Variants in KIRREL3 observed in about 807,000 individuals in gnomAD.
The protein encoded by KIRREL3 is kin of IRRE-like protein 3.
KIRREL3 carries 36 observed loss-of-function variants against 89.7 expected under a neutral mutation model. That is an observed-to-expected ratio of 0.40 (90% confidence interval 0.31 to 0.53). The LOEUF is 0.53. Ranked by LOEUF, KIRREL3 falls within the 20% of genes least tolerant of loss-of-function variation. The pLI is 0.49. For missense variants in KIRREL3, 864 were observed against 1,056.6 expected (o/e 0.82, Z 2.53); for synonymous variants, 445 against 441.4 (o/e 1.01, Z -0.10).
intron 1 of KIRREL3, among the ~76,000 whole-genome samples, chr11:126,932,471 G>A (rs1622141): frequency 0.88 from 133,913 of 152,072 alleles, 59,189 homozygotes; most frequent in Middle Eastern, 0.96. Context: ...AGCACATTTT[G>A]AAATTCTGCT....
chr11:126,763,234 G>A lies in KIRREL3; in HGVS notation c.56-200322C>T, dbSNP rs535477636. Among the ~76,000 whole-genome samples the A allele has an allele frequency of 2.6e-5, 4 of 152,310 alleles. No individual in the cohort carries two copies. The highest frequency in any genetic ancestry group is 3.9e-4 in the East Asian group (2 of 5,188). ...GCAAAATGAGGGGGCTAGATGAGAC[G>A]ATTTCTGGAACATCTCCCAATGTCG... is the stretch of plus-strand genomic sequence containing the variant. On this transcript the variant is annotated intron_variant, in intron 1 of 16. Transcript: ENST00000525144. The surrounding 1 kb of genome is among the most constrained non-coding windows in gnomAD (Gnocchi z 4.7).
chr11:126,999,643 A>G lies in KIRREL3; in HGVS notation c.55+812T>C, dbSNP rs544877187. Among the ~76,000 whole-genome samples the G allele has an allele frequency of 9.1e-4, 138 of 152,286 alleles. No homozygotes were observed. The highest frequency in any genetic ancestry group is 3.2e-3 in the African/African-American group (132 of 41,556). On this transcript the variant is annotated intron_variant, in intron 1 of 16. Coordinates refer to ENST00000525144, the MANE Select transcript of KIRREL3 (RefSeq NM_032531.4). The surrounding 1 kb of genome is among the most constrained non-coding windows in gnomAD (Gnocchi z 5.7). ...CAGGTGACTTTTGATGCCTTTGGCC[A>G]ACTAGGCACTCACATTCCCTCTCCC...
intron 1 of KIRREL3, among the ~76,000 whole-genome samples, chr11:126,971,132 C>T (rs374995956): frequency 3.3e-5 from 5 of 152,208 alleles, no homozygotes; most frequent in East Asian, 3.9e-4. Flanking sequence ...TGACTATTTA[C>T]GAGTACAAAG....
At chr11:126,583,142 G>A (rs992012761) in intron 1 of KIRREL3, among the ~76,000 whole-genome samples, 35 of 152,174 alleles carry the variant, frequency 2.3e-4, no homozygotes, top group Non-Finnish European at 7.4e-5. Context: ...TGTGCTCCTG[G>A]AGCCTTCTCC....
At chr11:126,839,721 C>T (rs1031825092) in intron 1 of KIRREL3, among the ~76,000 whole-genome samples, 3 of 152,158 alleles carry the variant, frequency 2.0e-5, no homozygotes, top group Non-Finnish European at 4.4e-5. Context: ...AACATCCAGG[C>T]GGGTTCCTCT....
chr11:126,800,114 G>A (rs1353297330), intron 1 of KIRREL3, among the ~76,000 whole-genome samples: 2 of 152,198 alleles, frequency 1.3e-5, no homozygotes, highest in African/African-American at 2.4e-5. Context: ...GCTGGGCCCC[G>A]CTGCATCTAG....
chr11:126,456,627 A>G (rs937859975), intron 6 of KIRREL3, among the ~76,000 whole-genome samples, 173 bp from the exon 7 acceptor site: 2 of 152,212 alleles, frequency 1.3e-5, no homozygotes, highest in African/African-American at 4.8e-5. Flanking sequence ...TGCTTCAGAC[A>G]GTCCTGGAGG....
chr11:126,760,940 T>G (rs1294894879), intron 1 of KIRREL3, among the ~76,000 whole-genome samples: 1 of 152,254 alleles, frequency 6.6e-6, no homozygotes, highest in Non-Finnish European at 1.5e-5. Flanking sequence ...GTAATCTCTC[T>G]GGTCTGGAGT....
Position 126,761,023 on chromosome 11 carries a change from G to A in KIRREL3, c.56-198111C>T, listed in dbSNP as rs3927811. Among the ~76,000 whole-genome samples the A allele has an allele frequency of 0.4, 61,313 of 152,032 alleles. 12,987 individuals are homozygous for A. The highest frequency in any genetic ancestry group is 0.79 in the East Asian group (4,062 of 5,158). On this transcript the variant is annotated intron_variant, in intron 1 of 16. Transcript: ENST00000525144. This position sits in a 1 kb window ranked among gnomAD's most constrained non-coding sequence, Gnocchi z 4.4. ...GATACCGTTAAACATAAATGAAAGA[G>A]GGAAGATGAAGCCCAGTTGCTCTAT...
rs489725 is a variant in KIRREL3 at position 126,565,187 on chromosome 11, G to A, written c.56-2275C>T. Among the ~76,000 whole-genome samples the A allele has an allele frequency of 0.32, 48,400 of 151,920 alleles. 7,811 individuals carry two copies. The highest frequency in any genetic ancestry group is 0.46 in the East Asian group (2,380 of 5,144). ...TGAACGCTCAGGCAAATGGAAGGGC[G>A]AACAATTCTCTTACAGATTTAGAGA... On this transcript the variant is annotated intron_variant, in intron 1 of 16. Coordinates refer to ENST00000525144, the MANE Select transcript of KIRREL3 (RefSeq NM_032531.4). This position sits in a 1 kb window ranked among gnomAD's most constrained non-coding sequence, Gnocchi z 5.4.
Position 126,704,063 on chromosome 11 carries a change from C to T in KIRREL3, c.56-141151G>A, listed in dbSNP as rs1947420979. Among the ~76,000 whole-genome samples the T allele has an allele frequency of 1.3e-5, 2 of 152,192 alleles. No individual in the cohort carries two copies. Among genetic ancestry groups the T allele is most frequent in the Admixed American group, 1.3e-4 (2 of 15,286 alleles). On this transcript the variant is annotated intron_variant, in intron 1 of 16. Transcript: ENST00000525144. This position sits in a 1 kb window ranked among gnomAD's most constrained non-coding sequence, Gnocchi z 4.2. ...CCCTTCTCTTATTTATATACACTCA[C>T]ACAATTAGATATAACTATATTCACA...
rs560940892 is a variant in KIRREL3, at chr11:126,773,455, C to T, written c.56-210543G>A. ...GCCAACCCTGCAGATTTTGGACTTA[C>T]CAGTCTCCATCGTTGTGTGAGCCAG... On this transcript the variant is annotated intron_variant, in intron 1 of 16. Transcript: ENST00000525144. This position sits in a 1 kb window ranked among gnomAD's most constrained non-coding sequence, Gnocchi z 4.2. 1.3e-5 allele frequency among the ~76,000 whole-genome samples: 2 copies of T among 152,198 alleles called. No individual in the cohort carries two copies. The highest frequency in any genetic ancestry group is 4.8e-5 in the African/African-American group (2 of 41,456).
rs1944642512 is a variant in KIRREL3 at position 126,645,767 on chromosome 11, C to T, written c.56-82855G>A. Among the ~76,000 whole-genome samples, 1 of 152,086 alleles carries T rather than the reference C, an allele frequency of 6.6e-6. No homozygotes were observed. The highest frequency in any genetic ancestry group is 2.1e-4 in the South Asian group (1 of 4,828). On this transcript the variant is annotated intron_variant, in intron 1 of 16. Coordinates refer to ENST00000525144, the MANE Select transcript of KIRREL3 (RefSeq NM_032531.4). The surrounding 1 kb of genome is among the most constrained non-coding windows in gnomAD (Gnocchi z 4.9). ...AGATAAGGTGGTGTCTTCGCCTATGCTTTGGACCACATTTAATTAAATGCC... is the reference window on the plus strand; with the variant it reads ...AGATAAGGTGGTGTCTTCGCCTATGTTTTGGACCACATTTAATTAAATGCC...
chr11:126,635,252 G>A lies in KIRREL3; in HGVS notation c.56-72340C>T, dbSNP rs144692155. Among the ~76,000 whole-genome samples the A allele has an allele frequency of 6.8e-3, 1,039 of 152,294 alleles. 18 individuals carry two copies. The highest frequency in any genetic ancestry group is 0.024 in the African/African-American group (981 of 41,552). On this transcript the variant is annotated intron_variant, in intron 1 of 16. Coordinates refer to ENST00000525144, the MANE Select transcript of KIRREL3 (RefSeq NM_032531.4). The surrounding 1 kb of genome is among the most constrained non-coding windows in gnomAD (Gnocchi z 4.0). ...AGGCTTCCCTTCTAAATCCACTCAT[G>A]GGGGGTGCCAGGTGCTTCCCTCCAA...
rs1311627264 is a variant in KIRREL3 at position 126,694,765 on chromosome 11, T to A, written c.56-131853A>T. On this transcript the variant is annotated intron_variant, in intron 1 of 16. Transcript: ENST00000525144. This position sits in a 1 kb window ranked among gnomAD's most constrained non-coding sequence, Gnocchi z 4.4. ...AATAATGATGATGGAATTCATTATA[T>A]ATATGAGAGTGCTTACTCAGTATCA... Among the ~76,000 whole-genome samples, 1 of 152,244 alleles carries A rather than the reference T, an allele frequency of 6.6e-6. No homozygotes were observed. The highest frequency in any genetic ancestry group is 1.5e-5 in the Non-Finnish European group (1 of 68,044).
chr11:126,442,726 G>T (rs1218051452), intron 10 of KIRREL3, among the ~76,000 whole-genome samples: 1 of 152,222 alleles, frequency 6.6e-6, no homozygotes, highest in African/African-American at 2.4e-5. Context: ...CAGAAGCAGG[G>T]GCAGACAGTT....
At position 126,498,402 on chromosome 11, in the gene KIRREL3, C is replaced by T. The variant is rs552951189; in HGVS notation, c.433+22913G>A. On this transcript the variant is annotated intron_variant, in intron 4 of 16. Coordinates refer to ENST00000525144, the MANE Select transcript of KIRREL3 (RefSeq NM_032531.4). This position sits in a 1 kb window ranked among gnomAD's most constrained non-coding sequence, Gnocchi z 4.3. The stretch of plus-strand genomic sequence containing the variant: ...AGCCAGGCTCTTCCCCCCGACCCTG[C>T]GATTGTGTTCCTAATCAGCCAGTGT... 1.7e-3 allele frequency among the ~76,000 whole-genome samples: 252 copies of T among 152,254 alleles called. 1 individual carries two copies. The highest frequency in any genetic ancestry group is 5.8e-3 in the African/African-American group (243 of 41,542).
Position 126,641,500 on chromosome 11 carries a change from G to A in KIRREL3, c.56-78588C>T, listed in dbSNP as rs1163960875. ...ATACCTTTGACATTAGCAACAACAG[G>A]AAGGGAGAAAATTGCTATTACCACC... On this transcript the variant is annotated intron_variant, in intron 1 of 16. Coordinates refer to ENST00000525144, the MANE Select transcript of KIRREL3 (RefSeq NM_032531.4). This position sits in a 1 kb window ranked among gnomAD's most constrained non-coding sequence, Gnocchi z 5.0. 3.3e-5 allele frequency among the ~76,000 whole-genome samples: 5 copies of A among 152,028 alleles called. No homozygotes were observed. The highest frequency in any genetic ancestry group is 7.4e-5 in the Non-Finnish European group (5 of 68,014).
rs371267842 is a variant in KIRREL3 at position 126,515,383 on chromosome 11, G to A, written c.433+5932C>T. ...GAGGATCGCTTGAGCCAGGGAGGTC[G>A]AGGCTGCAGTGAGCCATAATAGTGC... is the stretch of plus-strand genomic sequence containing the variant. On this transcript the variant is annotated intron_variant, in intron 4 of 16. Coordinates refer to ENST00000525144, the MANE Select transcript of KIRREL3 (RefSeq NM_032531.4). This position sits in a 1 kb window ranked among gnomAD's most constrained non-coding sequence, Gnocchi z 4.2. 3.9e-5 allele frequency among the ~76,000 whole-genome samples: 6 copies of A among 152,176 alleles called. No homozygotes were observed. The highest frequency in any genetic ancestry group is 8.8e-5 in the Non-Finnish European group (6 of 68,036).
Sources: gnomAD v4.1 joint callset for allele counts (sites outside exome capture counted in the v4.1 genomes callset) on GRCh38, gnomAD v4.1.1 for gene constraint, Gnocchi (gnomAD v3.1) non-coding constraint, MANE v1.5 for transcripts, NCBI Gene and HGNC (gene_info 2026-07-23, HGNC 2026-07-21) for gene names.